Variants in ELAVL1 observed in about 807,000 individuals in gnomAD.
The protein encoded by ELAVL1 is ELAV like RNA binding protein 1.
A neutral mutation model predicts 28.4 loss-of-function variants in ELAVL1; 1 was observed. The ratio of observed to expected loss-of-function variants is 0.04; its 90% CI spans 0.01 to 0.17. The LOEUF is 0.17. ELAVL1 is among the 10% of genes least tolerant of loss of function. The pLI is 1.00. For missense variants in ELAVL1, 157 were observed against 447.2 expected (o/e 0.35, Z 5.85); for synonymous variants, 174 against 183.5 (o/e 0.95, Z 0.42).
chr19:7,965,705 G>A (rs1406569052), intron 5 of ELAVL1, among the ~76,000 whole-genome samples: 1 of 151,752 alleles, frequency 6.6e-6, no homozygotes, highest in African/African-American at 2.4e-5. Flanking sequence ...TTCTTTTCTT[G>A]TCCTCATTAC....
At chr19:7,993,493 T>C (rs1985804610) in intron 1 of ELAVL1, among the ~76,000 whole-genome samples, 1 of 152,224 alleles carries the variant, frequency 6.6e-6, no homozygotes, top group Non-Finnish European at 1.5e-5. Flanking sequence ...GTCTTCACAG[T>C]TTGCAGGCTT....
chr19:7,969,222 C>T (rs1166439360), intron 4 of ELAVL1, among the ~76,000 whole-genome samples: 1 of 152,166 alleles, frequency 6.6e-6, no homozygotes, highest in Non-Finnish European at 1.5e-5. Context: ...GAAAGACTTC[C>T]AGTCAAAGGG....
At chr19:7,991,916 G>T in intron 1 of ELAVL1, 85 bp from the exon 2 acceptor site, 7 of 979,526 alleles carry the variant, frequency 7.1e-6, no homozygotes, top group Admixed American at 3.4e-5. Context: ...TTTGCACTTA[G>T]AGATTTTCTT....
chr19:8,002,171 T>TCTGAACACTGCGATGTTCC (rs2040504533), intron 1 of ELAVL1: 3 of 1,257,894 alleles, frequency 2.4e-6, no homozygotes, highest in Non-Finnish European at 3.1e-6. Flanking sequence ...CACGATGTTC[T>TCTGAACACTGCGATGTTCC]CTGAACACTG....
At chr19:7,970,517 GTGA>G (rs1985078100) in intron 4 of ELAVL1, among the ~76,000 whole-genome samples, 4 of 152,090 alleles carry the variant, frequency 2.6e-5, no homozygotes, top group African/African-American at 9.7e-5. Flanking sequence ...CTGACCTCAG[GTGA>G]TCCACCCACC....
In ELAVL1 at chr19:7,960,764, T is replaced by C. The variant is rs527867670; in HGVS notation, c.*2719A>G. The C allele has an allele frequency of 2.6e-5, 4 of 152,710 alleles. No homozygotes were observed. Among genetic ancestry groups the C allele is most frequent in the East Asian group, 3.9e-4 (2 of 5,192 alleles). The allele number at this position is 152,710 out of a possible 1,614,324, so 9.5% of individuals were successfully genotyped here. The stretch of plus-strand genomic sequence containing the variant: ...AAGCAGAGCACTCATTTTTGCTAAA[T>C]AGAAATACAACTGATCTATGTAAAA... On this transcript the variant is annotated 3_prime_UTR_variant, in exon 6 of 6. Coordinates refer to ENST00000407627, the MANE Select transcript of ELAVL1 (RefSeq NM_001419.3).
At chr19:7,967,462 C>T (rs571965657) in intron 5 of ELAVL1, 103 bp downstream of exon 5, 15 of 1,269,292 alleles carry the variant, frequency 1.2e-5, no homozygotes, top group East Asian at 2.5e-5. Context: ...CGCTCTCTGA[C>T]GGGATCAGTC....
rs993465494 is a variant in ELAVL1, at chr19:7,959,236, C to T, written c.*4247G>A. 2 of 152,132 alleles carry T rather than the reference C, an allele frequency of 1.3e-5. No homozygotes were observed. The highest frequency in any genetic ancestry group is 4.8e-5 in the African/African-American group (2 of 41,304). 9.4% of individuals were successfully genotyped at this position (152,132 alleles called of 1,614,324 possible). ...AGTGTCAGACTTTATTGAAAACAAA[C>T]CCATGTAAAAACAAAGTTAAAATGA... On this transcript the variant is annotated 3_prime_UTR_variant, in exon 6 of 6. Transcript: ENST00000407627.
At chr19:7,995,113 C>T (rs769972265) in intron 1 of ELAVL1, among the ~76,000 whole-genome samples, 6 of 152,182 alleles carry the variant, frequency 3.9e-5, no homozygotes, top group African/African-American at 1.4e-4. Flanking sequence ...AGAAACTCCA[C>T]GTGTCTGTTA....
intron 4 of ELAVL1, among the ~76,000 whole-genome samples, chr19:7,972,653 G>T (rs1162979108): frequency 6.6e-6 from 1 of 151,868 alleles, no homozygotes. Flanking sequence ...AAGAAACAGG[G>T]TCTTGCTCTG....
chr19:8,002,115 A>AT, intron 1 of ELAVL1: 1 of 1,289,216 alleles, frequency 7.8e-7, no homozygotes, highest in Non-Finnish European at 1.0e-6. Context: ...ACCACTACCC[A>AT]TCTCAGCCTT....
At chr19:8,002,803 G>C (rs958355015) in intron 1 of ELAVL1, among the ~76,000 whole-genome samples, 2 of 152,192 alleles carry the variant, frequency 1.3e-5, no homozygotes, top group African/African-American at 4.8e-5. Flanking sequence ...AGGCAGGGAG[G>C]GTTAGAGTTT....
intron 1 of ELAVL1, chr19:8,002,177 C>G (rs1224132613): frequency 8.0e-7 from 1 of 1,250,192 alleles, no homozygotes. Flanking sequence ...GTTCTCTGAA[C>G]ACTGCGATGT....
rs1984740795 is a variant in ELAVL1 at position 7,959,291 on chromosome 19, A to G, written c.*4192T>C. On this transcript the variant is annotated 3_prime_UTR_variant, in exon 6 of 6. Coordinates refer to ENST00000407627, the MANE Select transcript of ELAVL1 (RefSeq NM_001419.3). ...TGGCACCTGAAAAATAAATTATTTT[A>G]TATAAAACAAATCAATAACTTAAAA... 1 of 152,636 alleles carries G rather than the reference A, an allele frequency of 6.6e-6. No homozygotes were observed. The highest frequency in any genetic ancestry group is 6.5e-5 in the Admixed American group (1 of 15,290). 9.5% of individuals were successfully genotyped at this position (152,636 alleles called of 1,614,324 possible). A position where few individuals can be genotyped will look rare whatever the true frequency, so the allele number is the denominator to read the frequency against.
intron 1 of ELAVL1, among the ~76,000 whole-genome samples, chr19:8,003,739 C>T (rs1226607103): frequency 6.6e-6 from 1 of 151,460 alleles, no homozygotes; most frequent in Non-Finnish European, 1.5e-5. Flanking sequence ...AGACTCAACA[C>T]ATCCAGACTG....
intron 3 of ELAVL1, among the ~76,000 whole-genome samples, chr19:7,976,414 A>G (rs1284717812): frequency 6.6e-6 from 1 of 152,102 alleles, no homozygotes; most frequent in Non-Finnish European, 1.5e-5. Flanking sequence ...AAAAAAAAAA[A>G]GTATTTTTTT....
chr19:7,998,738 C>A (rs1376142057), intron 1 of ELAVL1, among the ~76,000 whole-genome samples: 1 of 151,834 alleles, frequency 6.6e-6, no homozygotes, highest in Non-Finnish European at 1.5e-5. Context: ...CTACTTTGGC[C>A]TCCCAAAGTG....
chr19:7,978,471 G>A (rs1177965425), intron 3 of ELAVL1, among the ~76,000 whole-genome samples: 3 of 152,278 alleles, frequency 2.0e-5, no homozygotes, highest in African/African-American at 4.8e-5. Flanking sequence ...AGTAAACACG[G>A]CAGACACCAA....
At chr19:7,985,893 C>T (rs1985589040) in intron 2 of ELAVL1, among the ~76,000 whole-genome samples, 1 of 152,164 alleles carries the variant, frequency 6.6e-6, no homozygotes, top group Non-Finnish European at 1.5e-5. Flanking sequence ...GTCACATTTC[C>T]CCAAGTATCC....
Sources: allele counts gnomAD v4.1 joint callset (sites outside exome capture counted in the v4.1 genomes callset), GRCh38; gene constraint gnomAD v4.1.1; transcripts MANE v1.5; gene names NCBI Gene and HGNC (gene_info 2026-07-23, HGNC 2026-07-21).